The following SFMBT1 variants were observed in gnomAD, a reference collection of about 807,000 sequenced individuals.
The protein encoded by SFMBT1 is scm-like with four MBT domains protein 1.
Under a neutral mutation model 108.7 loss-of-function variants are expected in SFMBT1, and 32 were observed. The ratio of observed to expected loss-of-function variants is 0.29; its 90% confidence interval spans 0.22 to 0.40. The LOEUF is 0.40. SFMBT1 is among the 10% of genes least tolerant of loss of function. The probability of loss-of-function intolerance (pLI) is 1.00; values close to 1 mark genes in which losing one functional copy is unlikely to be tolerated. For synonymous variants in SFMBT1, 348 were observed against 369.5 expected, an observed-to-expected ratio of 0.94 and a Z score of 0.67; for missense variants, 816 against 1,059.6, an observed-to-expected ratio of 0.77 and a Z score of 3.19.
intron 1 of SFMBT1, among the ~76,000 whole-genome samples, chr3:52,999,554 G>A (rs1698466021): frequency 6.7e-6 from 1 of 150,292 alleles, no homozygotes; most frequent in Non-Finnish European, 1.5e-5. Flanking sequence ...AGCTTCCAGA[G>A]GGGAAGCCAC....
chr3:52,931,366 ATT>A (rs1702854190), intron 6 of SFMBT1, among the ~76,000 whole-genome samples: 2 of 152,172 alleles, frequency 1.3e-5, no homozygotes, highest in Admixed American at 1.3e-4. Flanking sequence ...AAATACCAAT[ATT>A]ATTGGTATTT....
intron 8 of SFMBT1, among the ~76,000 whole-genome samples, chr3:52,929,077 G>A (rs2106792668): frequency 6.6e-6 from 1 of 151,924 alleles, no homozygotes; most frequent in East Asian, 1.9e-4. Flanking sequence ...ACTTGCCCTG[G>A]GTTACAAAAC....
chr3:52,924,135 T>C (rs549751513), intron 10 of SFMBT1, among the ~76,000 whole-genome samples: 4 of 152,166 alleles, frequency 2.6e-5, no homozygotes, highest in Non-Finnish European at 4.4e-5. Context: ...AGCAAGTCAG[T>C]AGAGTGAAGA....
chr3:53,034,549 C>T (rs1215448092), intron 1 of SFMBT1, among the ~76,000 whole-genome samples: 1 of 151,918 alleles, frequency 6.6e-6, no homozygotes, highest in African/African-American at 2.4e-5. Context: ...CACTGTACTC[C>T]AGCCTGGGTG....
chr3:52,987,648 G>A (rs1245185369), intron 1 of SFMBT1, among the ~76,000 whole-genome samples: 2 of 152,164 alleles, frequency 1.3e-5, no homozygotes, highest in African/African-American at 4.8e-5. Context: ...AAGGATAATT[G>A]TGAGGTATGT....
In SFMBT1 at chr3:52,969,210, A is replaced by G; in HGVS notation, c.-82T>C. 1 of 1,593,708 alleles carries G rather than the reference A, an allele frequency of 6.3e-7. No homozygotes were observed. ...CTGCTAGGATCTGAAGATTACTTGC[A>G]GGTTTCAAGCATCTGTTCAATGGGT... On this transcript the variant is annotated 5_prime_UTR_variant, in exon 2 of 21. Coordinates refer to ENST00000394752, the MANE Select transcript of SFMBT1 (RefSeq NM_016329.4).
Position 52,969,388 on chromosome 3 carries a change from G to A in SFMBT1, c.-130-130C>T, listed in dbSNP as rs952313075. ...CATACTGGCAGAATAGATAGGACTG[G>A]AGGAAAAAATTGATACCTTTTCTAA... is the stretch of plus-strand genomic sequence containing the variant. On this transcript the variant is annotated intron_variant, in intron 1 of 20. Coordinates refer to ENST00000394752, the MANE Select transcript of SFMBT1 (RefSeq NM_016329.4). 1.0e-4 allele frequency: 94 copies of A among 899,626 alleles called. 1 individual carries two copies. The South Asian group carries it at 1.5e-3, about 14-fold the overall frequency. 55.7% of individuals were successfully genotyped at this position (899,626 alleles called of 1,614,324 possible). A position where few individuals can be genotyped will look rare whatever the true frequency, so the allele number is the denominator to read the frequency against.
intron 1 of SFMBT1, among the ~76,000 whole-genome samples, chr3:52,985,870 A>C (rs994538177): frequency 1.3e-4 from 20 of 152,122 alleles, no homozygotes; most frequent in African/African-American, 4.6e-4. Context: ...AGGCCAGGCG[A>C]GGTGGCTCAC....
chr3:52,949,458 T>C (rs1241605252), intron 3 of SFMBT1, among the ~76,000 whole-genome samples: 2 of 152,140 alleles, frequency 1.3e-5, no homozygotes, highest in Non-Finnish European at 2.9e-5. Context: ...CATGCAGTTC[T>C]ACCAGGTTTT....
chr3:52,932,280 A>T lies in SFMBT1; in HGVS notation c.482T>A (p.Leu161His), dbSNP rs745786192. The T allele has an allele frequency of 6.2e-7, 1 of 1,614,196 alleles. No homozygotes were observed. The highest frequency in any genetic ancestry group is 1.1e-5 in the South Asian group (1 of 91,084). The change falls in exon 6 of 21, where the codon CTC becomes CAC. Residue 161 changes from leucine (L) to histidine (H), a missense_variant. Around this residue, in one of 5 missense-constraint regions of SFMBT1, gnomAD observed 495 missense variants for 607.4 expected, o/e 0.81. Transcript: ENST00000394752. ...TTCTAGTCTGGATCCTGGAGCAATGAGATCTAAAGGATTCCTCCCATTACG... is the reference window on the plus strand; with the variant it reads ...TTCTAGTCTGGATCCTGGAGCAATGTGATCTAAAGGATTCCTCCCATTACG... Reference protein sequence around the residue: ...GLRNGRNPLDLIAPGSRLECQ... With the variant: ...GLRNGRNPLDHIAPGSRLECQ...
At chr3:52,949,658 A>G (rs1703502969) in intron 3 of SFMBT1, among the ~76,000 whole-genome samples, 2 of 134,324 alleles carry the variant, frequency 1.5e-5, no homozygotes, top group Admixed American at 1.8e-4. Flanking sequence ...GGCTCACCGC[A>G]ACCTCCGCCT....
chr3:53,019,583 T>G (rs975981552), intron 1 of SFMBT1, among the ~76,000 whole-genome samples: 5 of 152,206 alleles, frequency 3.3e-5, no homozygotes, highest in African/African-American at 1.2e-4. Context: ...TAGAAACCAC[T>G]GTTGATGGCT....
intron 1 of SFMBT1, among the ~76,000 whole-genome samples, chr3:52,983,537 G>C (rs1704797227): frequency 6.6e-6 from 1 of 152,132 alleles, no homozygotes; most frequent in African/African-American, 2.4e-5. Flanking sequence ...CAAATGTTAG[G>C]AGAAAAAAAC....
At chr3:53,035,256 C>T (rs1354528209) in intron 1 of SFMBT1, among the ~76,000 whole-genome samples, 1 of 116,146 alleles carries the variant, frequency 8.6e-6, no homozygotes, top group East Asian at 3.3e-4. Flanking sequence ...CTCTACTTGG[C>T]CTCAGTGCTT....
At chr3:52,906,318 C>G in intron 19 of SFMBT1, 77 bp from the exon 20 acceptor site, 1 of 1,603,338 alleles carries the variant, frequency 6.2e-7, no homozygotes, top group Non-Finnish European at 8.5e-7. Flanking sequence ...TACCTAAATT[C>G]ATAATCTTTC....
At chr3:53,001,925 T>TCACACACACACACACACA (rs59572829) in intron 1 of SFMBT1, among the ~76,000 whole-genome samples, 9 of 129,232 alleles carry the variant, frequency 7.0e-5, no homozygotes, top group African/African-American at 2.2e-4. Context: ...ACCCAGTCTC[T>TCACACACACACACACACA]CACACACACA....
chr3:53,005,194 A>T (rs1293311934), intron 1 of SFMBT1, among the ~76,000 whole-genome samples: 1 of 152,234 alleles, frequency 6.6e-6, no homozygotes, highest in Non-Finnish European at 1.5e-5. Flanking sequence ...AGAGCATGTC[A>T]TGCCAGTTGG....
At chr3:52,928,119 C>CAATGCCAT in intron 9 of SFMBT1, 72 bp downstream of exon 9, 1 of 1,550,966 alleles carries the variant, frequency 6.4e-7, no homozygotes, top group Non-Finnish European at 8.7e-7. Flanking sequence ...AAGATTTCAG[C>CAATGCCAT]AATGCCATCT....
At chr3:53,040,626 TAAA>T (rs11444774) in intron 1 of SFMBT1, among the ~76,000 whole-genome samples, 4 of 138,504 alleles carry the variant, frequency 2.9e-5, no homozygotes, top group Non-Finnish European at 1.6e-5. Flanking sequence ...GTATGCCAGT[TAAA>T]AAAAAAAAAA....
Sources: allele counts gnomAD v4.1 joint callset (sites outside exome capture counted in the v4.1 genomes callset), GRCh38; gene constraint gnomAD v4.1.1; regional missense constraint gnomAD v4.1.1; transcripts MANE v1.5; gene names NCBI Gene and HGNC (gene_info 2026-07-23, HGNC 2026-07-21).